The following ROBO2 variants were observed in gnomAD, a reference collection of about 807,000 sequenced individuals.
ROBO2 encodes the protein roundabout guidance receptor 2.
A neutral mutation model predicts 160.8 loss-of-function variants in ROBO2; 53 were observed. That is an observed-to-expected ratio of 0.33 (90% CI 0.26 to 0.41). The LOEUF (loss-of-function observed/expected upper bound fraction) is 0.41. ROBO2 is among the 10% of genes least tolerant of loss of function. ROBO2 has a pLI of 1.00. For missense variants in ROBO2, 1,577 were observed against 1,722.4 expected, an observed-to-expected ratio of 0.92 and a Z score of 1.49; for synonymous variants, 664 against 611.7, an observed-to-expected ratio of 1.09 and a Z score of -1.26.
At chr3:75,958,055 T>C (rs1179611440) in intron 2 of ROBO2, among the ~76,000 whole-genome samples, 2 of 151,814 alleles carry the variant, frequency 1.3e-5, no homozygotes, top group African/African-American at 2.4e-5. Flanking sequence ...ATGGTTTGCA[T>C]GTGTCATGCT....
chr3:76,665,439 C>G lies in ROBO2; in HGVS notation c.110-432575C>G, dbSNP rs564157530. 2.0e-5 allele frequency among the ~76,000 whole-genome samples: 3 copies of G among 151,994 alleles called. No individual in the cohort carries two copies. In the East Asian group the frequency reaches 5.8e-4, roughly 30 times the overall value. ...CTGATGTCAAATGTTGCACCCACAGCTTCTGATATCTGTTTTGTTCTTGTC... is the reference window on the plus strand; with the variant it reads ...CTGATGTCAAATGTTGCACCCACAGGTTCTGATATCTGTTTTGTTCTTGTC... On this transcript the variant is annotated intron_variant, in intron 2 of 26. Coordinates refer to the ROBO2 transcript ENST00000487694.
chr3:76,779,910 A>G lies in ROBO2; in HGVS notation c.110-318104A>G, dbSNP rs971333792. On this transcript the variant is annotated intron_variant, in intron 2 of 26. Transcript: ENST00000487694. ...CTGATTTCATTTCCTTTGAATGTAT[A>G]TCTAGAAGTGAGATTGTTGGATCAT... Among the ~76,000 whole-genome samples the G allele has an allele frequency of 2.6e-5, 4 of 151,152 alleles. No individual in the cohort carries two copies. The East Asian group carries it at 5.9e-4, about 22-fold the overall frequency.
intron 2 of ROBO2, among the ~76,000 whole-genome samples, chr3:77,183,583 A>G (rs2081003505): frequency 6.6e-6 from 1 of 151,866 alleles, no homozygotes; most frequent in Non-Finnish European, 1.5e-5. Context: ...AACCCTGCTG[A>G]CCCCTTGATC....
At chr3:77,457,335 T>C (rs1466262305) in intron 2 of ROBO2, among the ~76,000 whole-genome samples, 1 of 152,192 alleles carries the variant, frequency 6.6e-6, no homozygotes, top group Non-Finnish European at 1.5e-5. Flanking sequence ...TTTTAGTTTT[T>C]AACCAGCAAT....
intron 5 of ROBO2, among the ~76,000 whole-genome samples, chr3:77,520,787 A>G (rs1230364233): frequency 6.6e-6 from 1 of 151,394 alleles, no homozygotes; most frequent in African/African-American, 2.4e-5. Context: ...TTCATAGGCT[A>G]ACTGTAGAAA....
intron 2 of ROBO2, among the ~76,000 whole-genome samples, chr3:77,352,889 G>C (rs994101353): frequency 3.3e-5 from 5 of 152,080 alleles, no homozygotes; most frequent in Non-Finnish European, 7.4e-5. Context: ...AGTATTTCTT[G>C]ATTTAAACAG....
At chr3:76,301,177 C>T (rs1042608015) in intron 2 of ROBO2, among the ~76,000 whole-genome samples, 4 of 151,902 alleles carry the variant, frequency 2.6e-5, no homozygotes, top group Non-Finnish European at 5.9e-5. Context: ...TGATAATGAA[C>T]CTAAAACTTG....
At chr3:77,472,340 T>C (rs1017388346) in intron 2 of ROBO2, among the ~76,000 whole-genome samples, 4 of 152,204 alleles carry the variant, frequency 2.6e-5, no homozygotes, top group African/African-American at 9.7e-5. Flanking sequence ...CTTGTTAATC[T>C]ATTTCTTAAC....
intron 2 of ROBO2, among the ~76,000 whole-genome samples, chr3:76,220,109 T>C (rs542719886): frequency 1.4e-5 from 2 of 143,744 alleles, no homozygotes; most frequent in African/African-American, 5.2e-5. Context: ...TTCTCACTCA[T>C]AGGTGGGAAT....
chr3:76,537,275 T>C (rs1577982983), intron 2 of ROBO2, among the ~76,000 whole-genome samples: 1 of 152,216 alleles, frequency 6.6e-6, no homozygotes, highest in South Asian at 2.1e-4. Flanking sequence ...CTCAGACCAT[T>C]TGCCAATTTT....
At chr3:76,580,327 T>TG (rs2085587066) in intron 2 of ROBO2, among the ~76,000 whole-genome samples, 1 of 114,152 alleles carries the variant, frequency 8.8e-6, no homozygotes, top group African/African-American at 3.2e-5. Context: ...GTTTTTTTTT[T>TG]GTTTTTTTTT....
chr3:77,015,263 T>C (rs1292855564), intron 2 of ROBO2, among the ~76,000 whole-genome samples: 1 of 152,212 alleles, frequency 6.6e-6, no homozygotes, highest in Non-Finnish European at 1.5e-5. Flanking sequence ...ATTAATATCA[T>C]TTAAGGGTTG....
chr3:77,518,514 T>C lies in ROBO2; in HGVS notation c.807-4261T>C, dbSNP rs189838580. ...TGATGGGACATAACAAGACATGTAT[T>C]GTAGCATTTACTTCTAGTTGGAGAA... On this transcript the variant is annotated intron_variant, in intron 5 of 25. Transcript: ENST00000461745. 1.8e-4 allele frequency among the ~76,000 whole-genome samples: 28 copies of C among 151,524 alleles called. 1 individual carries two copies. Among genetic ancestry groups the C allele is most frequent in the African/African-American group, 6.5e-4 (27 of 41,448 alleles).
At chr3:76,192,373 C>T (rs1329388905) in intron 2 of ROBO2, among the ~76,000 whole-genome samples, 3 of 152,152 alleles carry the variant, frequency 2.0e-5, no homozygotes, top group African/African-American at 7.2e-5. Context: ...CAAACCTTTC[C>T]TTTCAAGCTT....
At chr3:77,365,754 A>AT (rs72583418) in intron 2 of ROBO2, among the ~76,000 whole-genome samples, 7 of 123,830 alleles carry the variant, frequency 5.7e-5, no homozygotes, top group Non-Finnish European at 1.3e-4. Context: ...TGATAAGAGG[A>AT]CCTCTCATGG....
intron 2 of ROBO2, among the ~76,000 whole-genome samples, chr3:76,294,425 T>C (rs572624330): frequency 1.3e-5 from 2 of 152,280 alleles, no homozygotes; most frequent in African/African-American, 4.8e-5. Flanking sequence ...ACCTGTTTAA[T>C]AGAGCAGCTT....
chr3:76,110,003 T>C (rs2070146060), intron 2 of ROBO2, among the ~76,000 whole-genome samples: 1 of 151,584 alleles, frequency 6.6e-6, no homozygotes, highest in Admixed American at 6.6e-5. Context: ...TTGTTCTTTT[T>C]ATGACTAAGT....
At chr3:77,167,989 T>C (rs1427537124) in intron 2 of ROBO2, among the ~76,000 whole-genome samples, 2 of 152,132 alleles carry the variant, frequency 1.3e-5, no homozygotes, top group African/African-American at 4.8e-5. Flanking sequence ...AGACATGAAA[T>C]TTGCAATTTA....
intron 2 of ROBO2, among the ~76,000 whole-genome samples, chr3:76,733,820 A>G (rs2093670521): frequency 6.6e-6 from 1 of 152,238 alleles, no homozygotes; most frequent in South Asian, 2.1e-4. Flanking sequence ...GATGGCTTAC[A>G]CAACATGCAT....
Sources: gnomAD v4.1 joint callset for allele counts (sites outside exome capture counted in the v4.1 genomes callset) on GRCh38, gnomAD v4.1.1 for gene constraint, MANE v1.5 for transcripts, NCBI Gene and HGNC (gene_info 2026-07-23, HGNC 2026-07-21) for gene names.